Variants in CELF6 observed in about 807,000 individuals in gnomAD.
The protein encoded by CELF6 is CUGBP Elav-like family member 6, also known as Bruno -like 6, RNA binding protein.
Under a neutral mutation model 53.1 loss-of-function variants are expected in CELF6, and 32 were observed. That is an observed-to-expected ratio of 0.60 (90% confidence interval 0.46 to 0.81). CELF6 has a LOEUF of 0.81. CELF6 is among the 30% of genes least tolerant of loss of function. CELF6 has a pLI of 0.00. For synonymous variants in CELF6, 291 were observed against 288.8 expected, an observed-to-expected ratio of 1.01 and a Z score of -0.08; for missense variants, 539 against 669.5, an observed-to-expected ratio of 0.81 and a Z score of 2.15.
intron 3 of CELF6, among the ~76,000 whole-genome samples, chr15:72,291,566 G>T (rs955684474): frequency 1.3e-5 from 2 of 152,146 alleles, no homozygotes; most frequent in South Asian, 2.1e-4. Context: ...CAAGGCTAGT[G>T]GGGGGTCATA....
At chr15:72,314,200 C>T (rs1457004323) in intron 2 of CELF6, among the ~76,000 whole-genome samples, 1 of 152,138 alleles carries the variant, frequency 6.6e-6, no homozygotes, top group Non-Finnish European at 1.5e-5. Flanking sequence ...TAGCTCTTGG[C>T]GAAGCTTGCT....
At chr15:72,310,053 CCTAA>C (rs2140304226) in intron 2 of CELF6, among the ~76,000 whole-genome samples, 1 of 152,306 alleles carries the variant, frequency 6.6e-6, no homozygotes, top group South Asian at 2.1e-4. Flanking sequence ...CAAAACCCTA[CCTAA>C]CTCTCTGCCC....
intron 3 of CELF6, 38 bp downstream of exon 3, chr15:72,304,708 C>A (rs777983369): frequency 1.2e-6 from 2 of 1,603,472 alleles, no homozygotes; most frequent in South Asian, 1.1e-5. Context: ...CTCCCTTACA[C>A]GGGTTGCAGC....
At chr15:72,300,600 G>A (rs918602769) in intron 3 of CELF6, among the ~76,000 whole-genome samples, 2 of 152,162 alleles carry the variant, frequency 1.3e-5, no homozygotes, top group Admixed American at 6.5e-5. Context: ...TTGGGAGGCC[G>A]AGGCAGACAG....
chr15:72,290,055 C>A, intron 4 of CELF6, 37 bp from the exon 5 acceptor site: 1 of 1,613,358 alleles, frequency 6.2e-7, no homozygotes, highest in Non-Finnish European at 8.5e-7. Flanking sequence ...GCTCAGGCCA[C>A]AGGGGCCAAA....
At chr15:72,287,147 G>A in intron 12 of CELF6, 90 bp downstream of exon 12, 1 of 1,217,642 alleles carries the variant, frequency 8.2e-7, no homozygotes, top group Non-Finnish European at 1.2e-6. Flanking sequence ...TCAGAGGTGG[G>A]TGCCTCCAAG....
chr15:72,293,223 A>G (rs1185835157), intron 3 of CELF6, among the ~76,000 whole-genome samples: 4 of 152,156 alleles, frequency 2.6e-5, no homozygotes, highest in Non-Finnish European at 5.9e-5. Flanking sequence ...ACAGGAGGAT[A>G]AGCTGGATCA....
intron 3 of CELF6, among the ~76,000 whole-genome samples, chr15:72,296,764 G>A (rs954893370): frequency 1.4e-4 from 21 of 152,260 alleles, no homozygotes; most frequent in Middle Eastern, 3.4e-3. Context: ...ACCTCACACC[G>A]ATTAGGATGA....
chr15:72,292,354 G>A, intron 3 of CELF6: 1 of 870,880 alleles, frequency 1.1e-6, no homozygotes, highest in Non-Finnish European at 1.8e-6. Context: ...TTTGGCCAGA[G>A]AATCAAACCC....
intron 2 of CELF6, among the ~76,000 whole-genome samples, chr15:72,313,396 A>G (rs987961614): frequency 6.6e-6 from 1 of 152,258 alleles, no homozygotes; most frequent in African/African-American, 2.4e-5. Flanking sequence ...CAGAAGTTCA[A>G]GACTAGCCTG....
intron 1 of CELF6, among the ~76,000 whole-genome samples, chr15:72,317,878 G>C (rs2088381571): frequency 6.6e-6 from 1 of 152,180 alleles, no homozygotes; most frequent in Non-Finnish European, 1.5e-5. Context: ...CCGGGATAGA[G>C]GGTGGAAGAA....
At chr15:72,304,088 C>G (rs973862617) in intron 3 of CELF6, among the ~76,000 whole-genome samples, 1 of 152,062 alleles carries the variant, frequency 6.6e-6, no homozygotes, top group African/African-American at 2.4e-5. Context: ...CCAGGCTGGT[C>G]TCGAACTCTT....
intron 2 of CELF6, among the ~76,000 whole-genome samples, chr15:72,314,598 T>G (rs1461895581): frequency 6.9e-6 from 1 of 144,484 alleles, no homozygotes; most frequent in South Asian, 2.2e-4. Context: ...TGTTTTTTTT[T>G]TTTTTTTTTT....
rs1266269613 is a variant in CELF6, at chr15:72,289,548, C to G, written c.748-41G>C. The G allele has an allele frequency of 6.7e-7, 1 of 1,489,062 alleles. No homozygotes were observed. The highest frequency in any genetic ancestry group is 2.3e-5 in the Admixed American group (1 of 44,144). 92.2% of individuals were successfully genotyped at this position (1,489,062 alleles called of 1,614,324 possible). ...TGGGCGAGAGTGGAGGGCCAAGGGG[C>G]AGGCAGCTGCCCGTGCTCTCAGCCC... On this transcript the variant is annotated intron_variant, in intron 6 of 12. Transcript: ENST00000287202. This position sits in a 1 kb window ranked among gnomAD's most constrained non-coding sequence, Gnocchi z 7.6.
chr15:72,317,918 T>C (rs116065601), intron 1 of CELF6, among the ~76,000 whole-genome samples: 1,755 of 152,066 alleles, frequency 0.012, 51 homozygotes, highest in Admixed American at 0.054. Context: ...AGAAGCATGG[T>C]TTGAGAGACA....
intron 2 of CELF6, among the ~76,000 whole-genome samples, chr15:72,312,670 C>A (rs1345870086): frequency 1.3e-5 from 2 of 152,082 alleles, no homozygotes; most frequent in Non-Finnish European, 2.9e-5. Flanking sequence ...GAAATTCCCC[C>A]TAGGGTTTCA....
Position 72,288,692 on chromosome 15 carries a change from C to A in CELF6, c.1094-74G>T. On this transcript the variant is annotated intron_variant, in intron 9 of 12. Coordinates refer to ENST00000287202, the MANE Select transcript of CELF6 (RefSeq NM_052840.5). The surrounding 1 kb of genome is among the most constrained non-coding windows in gnomAD (Gnocchi z 4.6). ...AAGCAGGGCCCCAACTGCCTGGCCG[C>A]TTTTGACCAATTCAGCCCAGTCCAC... 6.8e-7 allele frequency: 1 copy of A among 1,460,808 alleles called. No individual in the cohort carries two copies. Among genetic ancestry groups the A allele is most frequent in the Non-Finnish European group, 9.4e-7 (1 of 1,066,070 alleles). 90.5% of individuals were successfully genotyped at this position (1,460,808 alleles called of 1,614,324 possible). A position where few individuals can be genotyped will look rare whatever the true frequency, so the allele number is the denominator to read the frequency against.
intron 2 of CELF6, 109 bp downstream of exon 2, chr15:72,315,736 T>C (rs571666187): frequency 4.7e-6 from 3 of 639,834 alleles, no homozygotes; most frequent in Non-Finnish European, 7.9e-6. Context: ...AAGATGACTC[T>C]GCTTCTAGTT....
chr15:72,289,484 C>T lies in CELF6; in HGVS notation c.771G>A (p.Leu257=). 3.9e-6 allele frequency: 6 copies of T among 1,527,878 alleles called. No homozygotes were observed. Among genetic ancestry groups the T allele is most frequent in the Non-Finnish European group, 5.2e-6 (6 of 1,143,054 alleles). 94.6% of individuals were successfully genotyped at this position (1,527,878 alleles called of 1,614,324 possible). The change falls in exon 7 of 13, where the codon CTG becomes CTA. Residue 257 remains leucine, a synonymous_variant. Coordinates refer to ENST00000287202, the MANE Select transcript of CELF6 (RefSeq NM_052840.5). The surrounding 1 kb of genome is among the most constrained non-coding windows in gnomAD (Gnocchi z 7.6). ...GGCCTGGGCCCTGTGCCGCCGCCAG[C>T]AGGGCCGCCTGGTGCTGCAGGATCT... is the stretch of plus-strand genomic sequence containing the variant. ...TTAILQHQAA[L]LAAAQGPGLG...
Sources: allele counts gnomAD v4.1 joint callset (sites outside exome capture counted in the v4.1 genomes callset), GRCh38; gene constraint gnomAD v4.1.1; non-coding constraint Gnocchi (gnomAD v3.1); transcripts MANE v1.5; gene names NCBI Gene and HGNC (gene_info 2026-07-23, HGNC 2026-07-21).